Variants in RNF150 observed in about 807,000 individuals in gnomAD.
RNF150 encodes the protein ring finger protein 150.
A neutral mutation model predicts 39.3 loss-of-function variants in RNF150; 24 were observed. That is an observed-to-expected ratio of 0.61 (90% CI 0.44 to 0.86). RNF150 has a LOEUF of 0.86. Ranked by LOEUF, RNF150 falls within the 40% of genes least tolerant of loss-of-function variation. The pLI is 0.00. For synonymous variants in RNF150, 255 were observed against 227.3 expected, an observed-to-expected ratio of 1.12 and a Z score of -1.10; for missense variants, 502 against 587.8, an observed-to-expected ratio of 0.85 and a Z score of 1.51.
At chr4:140,899,974 C>CTCTCTCTCTCTCTCTCTCTCTGTGTG (rs1365683071) in intron 6 of RNF150, among the ~76,000 whole-genome samples, 1 of 69,220 alleles carries the variant, frequency 1.4e-5, no homozygotes, top group Admixed American at 1.4e-4. Flanking sequence ...CTCTCTCTCT[C>CTCTCTCTCTCTCTCTCTCTCTGTGTG]TGTGTGTGTG....
At chr4:141,091,344 G>A (rs901596261) in intron 1 of RNF150, among the ~76,000 whole-genome samples, 1 of 152,072 alleles carries the variant, frequency 6.6e-6, no homozygotes, top group Non-Finnish European at 1.5e-5. Context: ...GGTTTTATAA[G>A]GAACTGTAGG....
intron 1 of RNF150, among the ~76,000 whole-genome samples, chr4:141,102,537 T>G (rs1739049132): frequency 6.6e-6 from 1 of 152,158 alleles, no homozygotes; most frequent in Non-Finnish European, 1.5e-5. Context: ...ATTCACCCTG[T>G]GGTTAGGAAA....
chr4:140,973,130 T>G (rs1733526978), intron 1 of RNF150, among the ~76,000 whole-genome samples: 1 of 152,162 alleles, frequency 6.6e-6, no homozygotes, highest in Admixed American at 6.6e-5. Flanking sequence ...AAATGCAGAC[T>G]GTACCTCCCT....
At chr4:141,210,486 C>CTT (rs35272487) in intron 1 of RNF150, among the ~76,000 whole-genome samples, 31,290 of 143,696 alleles carry the variant, frequency 0.22, 3,589 homozygotes, top group South Asian at 0.31. Flanking sequence ...GCAGTTTCAG[C>CTT]TTTTTTTTTT....
intron 1 of RNF150, among the ~76,000 whole-genome samples, chr4:140,968,854 A>C (rs1440823382): frequency 1.3e-5 from 2 of 151,622 alleles, no homozygotes; most frequent in African/African-American, 4.8e-5. Context: ...ATTAATTAAT[A>C]TTAATATTTA....
At chr4:141,032,055 T>C (rs576448149) in intron 1 of RNF150, among the ~76,000 whole-genome samples, 11 of 150,926 alleles carry the variant, frequency 7.3e-5, no homozygotes, top group East Asian at 1.9e-4. Flanking sequence ...AACATATATA[T>C]ACACACACAC....
At chr4:141,122,701 TG>T (rs1461195796) in intron 1 of RNF150, among the ~76,000 whole-genome samples, 13 of 152,198 alleles carry the variant, frequency 8.5e-5, no homozygotes, top group Non-Finnish European at 1.6e-4. Flanking sequence ...TCAAAATGTA[TG>T]ATTAAATTTT....
Position 141,027,952 on chromosome 4 carries a change from T to TTTTTTTTTTTTTTTTTTTTTTTTTTG in RNF150, c.485-60080_485-60079insCAAAAAAAAAAAAAAAAAAAAAAAAA, listed in dbSNP as rs1553938684. Among the ~76,000 whole-genome samples the TTTTTTTTTTTTTTTTTTTTTTTTTTG allele has an allele frequency of 4.2e-5, 3 of 71,576 alleles. 1 individual carries two copies. The highest frequency in any genetic ancestry group is 5.8e-5 in the Non-Finnish European group (2 of 34,328). 47.0% of individuals were successfully genotyped at this position (71,576 alleles called of 152,430 possible). On this transcript the variant is annotated intron_variant, in intron 1 of 6. Transcript: ENST00000515673. ...TTTTTTTTTTTTTTTTTTTTTTTTT[T>TTTTTTTTTTTTTTTTTTTTTTTTTTG]CAATCCTGCTGGATCAAGATGTATA...
At chr4:141,183,347 C>T (rs544687937) in intron 1 of RNF150, among the ~76,000 whole-genome samples, 1 of 152,018 alleles carries the variant, frequency 6.6e-6, no homozygotes, top group Admixed American at 6.6e-5. Flanking sequence ...TCCTGCCCCA[C>T]TGGTATATAT....
At chr4:140,884,260 G>T (rs1413457614) in intron 6 of RNF150, among the ~76,000 whole-genome samples, 1 of 152,020 alleles carries the variant, frequency 6.6e-6, no homozygotes, top group Non-Finnish European at 1.5e-5. Flanking sequence ...CTTTTGAAAC[G>T]ATTTATCTGA....
intron 1 of RNF150, among the ~76,000 whole-genome samples, chr4:140,988,747 C>T (rs1734095671): frequency 6.7e-6 from 1 of 149,584 alleles, no homozygotes; most frequent in Non-Finnish European, 1.5e-5. Flanking sequence ...AGACTTGGAA[C>T]CAACCCAAAT....
At chr4:141,015,429 T>C (rs574137246) in intron 1 of RNF150, among the ~76,000 whole-genome samples, 5 of 152,360 alleles carry the variant, frequency 3.3e-5, no homozygotes, top group Admixed American at 2.0e-4. Context: ...CTTCAATTTA[T>C]TTCATCAGTG....
chr4:141,202,102 A>C (rs942757222), intron 1 of RNF150, among the ~76,000 whole-genome samples: 1 of 152,160 alleles, frequency 6.6e-6, no homozygotes, highest in Non-Finnish European at 1.5e-5. Context: ...CTTCAAAATA[A>C]GTTTCTGTTG....
chr4:141,204,226 AC>A (rs1728339579), intron 1 of RNF150, among the ~76,000 whole-genome samples: 1 of 151,932 alleles, frequency 6.6e-6, no homozygotes, highest in Non-Finnish European at 1.5e-5. Context: ...AGGGATGAGA[AC>A]CAGCAATATT....
intron 1 of RNF150, among the ~76,000 whole-genome samples, chr4:141,071,258 G>A (rs1415435276): frequency 6.9e-6 from 1 of 145,032 alleles, no homozygotes; most frequent in Non-Finnish European, 1.5e-5. Flanking sequence ...GGGAGGGATA[G>A]CATTGGGAGA....
At chr4:141,061,509 C>T (rs968374705) in intron 1 of RNF150, among the ~76,000 whole-genome samples, 1 of 152,138 alleles carries the variant, frequency 6.6e-6, no homozygotes, top group Non-Finnish European at 1.5e-5. Flanking sequence ...GTATGGCCTA[C>T]AATAAACAAT....
intron 1 of RNF150, among the ~76,000 whole-genome samples, chr4:141,152,929 C>G (rs971886000): frequency 6.6e-6 from 1 of 152,096 alleles, no homozygotes; most frequent in Admixed American, 6.6e-5. Context: ...TTTGCTGCAC[C>G]TATCAACCCA....
intron 5 of RNF150, among the ~76,000 whole-genome samples, chr4:140,918,996 T>G (rs1160417085): frequency 1.3e-5 from 2 of 152,076 alleles, no homozygotes; most frequent in African/African-American, 4.8e-5. Context: ...CCATTCATGC[T>G]AAAAACTCTC....
chr4:140,915,913 G>A (rs1042497289), intron 5 of RNF150, among the ~76,000 whole-genome samples: 10 of 152,188 alleles, frequency 6.6e-5, no homozygotes, highest in African/African-American at 1.9e-4. Context: ...TGCAGCCACC[G>A]CTGCTGATAC....
Sources: allele counts gnomAD v4.1 joint callset (sites outside exome capture counted in the v4.1 genomes callset), GRCh38; gene constraint gnomAD v4.1.1; transcripts MANE v1.5; gene names NCBI Gene and HGNC (gene_info 2026-07-23, HGNC 2026-07-21).